Variants in PSD2 observed in about 807,000 individuals in gnomAD.
PSD2 encodes the protein PH and SEC7 domain-containing protein 2.
In PSD2, 38 loss-of-function variants were observed where a neutral mutation model predicts 69.8. That is an observed-to-expected ratio of 0.54 (90% CI 0.42 to 0.71). The LOEUF (loss-of-function observed/expected upper bound fraction) is 0.71, where lower values mean the gene tolerates loss of function less well. PSD2 is among the 30% of genes least tolerant of loss of function. PSD2 has a pLI of 0.00. For missense variants in PSD2, 943 were observed against 1,014.5 expected (o/e 0.93, Z 0.96); for synonymous variants, 412 against 423.0 (o/e 0.97, Z 0.32).
chr5:139,774,794 G>A, the PSD2 span, among the ~76,000 whole-genome samples: 1 of 152,176 alleles, frequency 6.6e-6, no homozygotes, highest in Non-Finnish European at 1.5e-5. Context: ...CCGGCCCCGG[G>A]AAAGGCTTTC....
intron 8 of PSD2, among the ~76,000 whole-genome samples, chr5:139,834,330 C>A (rs1760664556): frequency 6.6e-6 from 1 of 152,120 alleles, no homozygotes; most frequent in South Asian, 2.1e-4. Context: ...CTGTCACCCA[C>A]CCTGGAGTGC....
In PSD2 at chr5:139,809,742, C is replaced by G. The variant is rs542846124; in HGVS notation, c.302C>G (p.Ala101Gly). 2 of 1,614,214 alleles carry G rather than the reference C, an allele frequency of 1.2e-6. No homozygotes were observed. The highest frequency in any genetic ancestry group is 4.5e-5 in the East Asian group (2 of 44,882). Residue 101 changes from alanine (A) to glycine (G), a missense_variant, in exon 2 of 15, where the codon GCT (alanine) becomes GGT (glycine). Transcript: ENST00000274710. ...TCAGCGGAGTCCAGGCCCTGGAGGG[C>G]TGGCGTGCTGGCAGAGGGGGACAAT... ...EDSAESRPWRAGVLAEGDNAS... is the reference protein window; with the variant it reads ...EDSAESRPWRGGVLAEGDNAS...
At chr5:139,802,549 C>T (rs547504506) in intron 1 of PSD2, among the ~76,000 whole-genome samples, 12 of 151,736 alleles carry the variant, frequency 7.9e-5, no homozygotes, top group African/African-American at 2.9e-4. Flanking sequence ...CAGTGCCCTC[C>T]GAAGTTGGAG....
At position 139,836,882 on chromosome 5, in the gene PSD2, T is replaced by C; in HGVS notation, c.1475T>C (p.Val492Ala). 6.2e-7 allele frequency: 1 copy of C among 1,614,112 alleles called. No homozygotes were observed. The highest frequency in any genetic ancestry group is 8.5e-7 in the Non-Finnish European group (1 of 1,180,010). Reference protein sequence around the residue: ...DDKFGTGTKKVTRILDGGNPF... With the variant: ...DDKFGTGTKKATRILDGGNPF... ...AAGTTCGGGACAGGCACGAAGAAGG[T>C]GACGCGAATCCTGGATGGTGGCAAC... Residue 492 changes from valine to alanine, a missense_variant, in exon 10 of 15, where the codon GTG (valine) becomes GCG (alanine). Coordinates refer to ENST00000274710, the MANE Select transcript of PSD2 (RefSeq NM_032289.4).
At position 139,837,792 on chromosome 5, in the gene PSD2, A is replaced by T. The variant is rs755184377; in HGVS notation, c.1823+10A>T. The T allele has an allele frequency of 1.2e-6, 2 of 1,601,276 alleles. No homozygotes were observed. Among genetic ancestry groups the T allele is most frequent in the Non-Finnish European group, 1.7e-6 (2 of 1,170,440 alleles). ...TCCTCTTCCAGGCACCGTGAGTAGG[A>T]GCTGGAGCCCTTCACTCCCACCTGG... On this transcript the variant is annotated intron_variant, in intron 12 of 14. Coordinates refer to ENST00000274710, the MANE Select transcript of PSD2 (RefSeq NM_032289.4). The surrounding 1 kb of genome is among the most constrained non-coding windows in gnomAD (Gnocchi z 5.0).
In PSD2 at chr5:139,808,235, G is replaced by A. The variant is rs556240078; in HGVS notation, c.-50-1156G>A. Among the ~76,000 whole-genome samples the A allele has an allele frequency of 3.9e-5, 6 of 152,344 alleles. No individual in the cohort carries two copies. The East Asian group carries it at 1.2e-3, about 29-fold the overall frequency. On this transcript the variant is annotated intron_variant, in intron 1 of 14. Coordinates refer to ENST00000274710, the MANE Select transcript of PSD2 (RefSeq NM_032289.4). ...GTCCCCACTGGCAGAGGCCACTTGCGGAGGGGGTTAGCCTAGCCTAGGTGG... is the reference window on the plus strand; with the variant it reads ...GTCCCCACTGGCAGAGGCCACTTGCAGAGGGGGTTAGCCTAGCCTAGGTGG...
At chr5:139,832,308 T>C (rs537502716) in intron 7 of PSD2, among the ~76,000 whole-genome samples, 13 of 152,004 alleles carry the variant, frequency 8.6e-5, no homozygotes, top group Non-Finnish European at 1.8e-4. Context: ...TATACACACA[T>C]ATATATGTAA....
rs1009102785 is a variant in PSD2 at position 139,839,532 on chromosome 5, G to A, written c.1969-495G>A. 5.9e-5 allele frequency among the ~76,000 whole-genome samples: 9 copies of A among 152,244 alleles called. No individual in the cohort carries two copies. Among genetic ancestry groups the A allele is most frequent in the African/African-American group, 2.2e-4 (9 of 41,470 alleles). ...GGGATGTGTGCGTTTGCCCATCAGC[G>A]ACAGTGTCTCCGCCTGTCTTTGGGT... On this transcript the variant is annotated intron_variant, in intron 13 of 14. Coordinates refer to ENST00000274710, the MANE Select transcript of PSD2 (RefSeq NM_032289.4). The surrounding 1 kb of genome is among the most constrained non-coding windows in gnomAD (Gnocchi z 5.1).
At chr5:139,801,573 G>T (rs74671024) in intron 1 of PSD2, among the ~76,000 whole-genome samples, 113 of 151,854 alleles carry the variant, frequency 7.4e-4, no homozygotes, top group African/African-American at 2.6e-3. Flanking sequence ...CCCAGCACTT[G>T]CCCTGCACAG....
the PSD2 span, among the ~76,000 whole-genome samples, chr5:139,766,043 G>A: frequency 1.7e-4 from 26 of 152,252 alleles, no homozygotes; most frequent in African/African-American, 5.8e-4. Flanking sequence ...GTGGTGGCTG[G>A]GTAGAGAGCC....
At chr5:139,777,712 C>A in the PSD2 span, among the ~76,000 whole-genome samples, 1 of 152,012 alleles carries the variant, frequency 6.6e-6, no homozygotes, top group East Asian at 1.9e-4. Context: ...GGCCAGACCT[C>A]ATCTCTACAA....
the PSD2 span, among the ~76,000 whole-genome samples, chr5:139,784,763 C>CTT: frequency 1.1e-4 from 16 of 149,054 alleles, no homozygotes; most frequent in Middle Eastern, 0.01. Context: ...AATTCCCCCC[C>CTT]TTTTTTTTTT....
chr5:139,764,609 C>A, the PSD2 span, among the ~76,000 whole-genome samples: 1 of 152,190 alleles, frequency 6.6e-6, no homozygotes, highest in East Asian at 1.9e-4. Flanking sequence ...GCGCCGCCCT[C>A]CCCCGGCGCC....
the PSD2 span, among the ~76,000 whole-genome samples, chr5:139,753,278 G>GA: frequency 6.6e-6 from 1 of 152,188 alleles, no homozygotes; most frequent in African/African-American, 2.4e-5. Flanking sequence ...GATGGGTGCT[G>GA]ATTAGCAGGG....
intron 4 of PSD2, among the ~76,000 whole-genome samples, 192 bp from the exon 5 acceptor site, chr5:139,817,289 C>A (rs1021236676): frequency 2.0e-5 from 3 of 152,100 alleles, no homozygotes; most frequent in African/African-American, 7.2e-5. Context: ...GAGACATCAC[C>A]TCCTCCAGAA....
rs1760912522 is a variant in PSD2, at chr5:139,842,911, C to T, written c.*437C>T. 6.2e-6 allele frequency: 1 copy of T among 162,492 alleles called. No homozygotes were observed. The allele number at this position is 162,492 out of a possible 1,614,324, so 10.1% of individuals were successfully genotyped here. A position where few individuals can be genotyped will look rare whatever the true frequency, so the allele number is the denominator to read the frequency against. On this transcript the variant is annotated 3_prime_UTR_variant, in exon 15 of 15. Coordinates refer to ENST00000274710, the MANE Select transcript of PSD2 (RefSeq NM_032289.4). ...CTCCTCCTCCTTCCTCTGAGTTGAC[C>T]AGCAGCAGGTCTGCCGACCACCAGC...
At position 139,814,080 on chromosome 5, in the gene PSD2, T is replaced by C. The variant is rs1760051175; in HGVS notation, c.822-90T>C. The C allele has an allele frequency of 7.1e-6, 9 of 1,260,924 alleles. No individual in the cohort carries two copies. The highest frequency in any genetic ancestry group is 1.0e-5 in the Non-Finnish European group (9 of 886,776). The allele number at this position is 1,260,924 out of a possible 1,614,324, so 78.1% of individuals were successfully genotyped here. A position where few individuals can be genotyped will look rare whatever the true frequency, so the allele number is the denominator to read the frequency against. ...TCCCTGTTCTGGCCCCTACATGGTT[T>C]GCAGTGGCCTGGGGAAACCTCCCAG... On this transcript the variant is annotated intron_variant, in intron 3 of 14. Transcript: ENST00000274710. The surrounding 1 kb of genome is among the most constrained non-coding windows in gnomAD (Gnocchi z 4.4).
chr5:139,834,252 C>T (rs1436497603), intron 8 of PSD2, among the ~76,000 whole-genome samples: 1 of 152,056 alleles, frequency 6.6e-6, no homozygotes, highest in Admixed American at 6.6e-5. Flanking sequence ...GGAAAAGGAG[C>T]AGGTTTTTGG....
intron 1 of PSD2, among the ~76,000 whole-genome samples, chr5:139,800,691 G>A (rs1346298217): frequency 1.3e-5 from 2 of 152,290 alleles, no homozygotes; most frequent in East Asian, 3.9e-4. Flanking sequence ...CACACTCACT[G>A]TCTGCCAGCG....
Sources: allele counts gnomAD v4.1 joint callset (sites outside exome capture counted in the v4.1 genomes callset), GRCh38; gene constraint gnomAD v4.1.1; non-coding constraint Gnocchi (gnomAD v3.1); transcripts MANE v1.5; gene names NCBI Gene and HGNC (gene_info 2026-07-23, HGNC 2026-07-21).